Variants in ATOSA observed in about 807,000 individuals in gnomAD.
ATOSA encodes the protein atos homolog protein A.
the ATOSA span, among the ~76,000 whole-genome samples, chr15:52,692,241 A>T: frequency 6.6e-6 from 1 of 152,230 alleles, no homozygotes; most frequent in Non-Finnish European, 1.5e-5. Flanking sequence ...ATGTATTAAC[A>T]CAAATTGCCA....
At chr15:52,603,036 T>C in the ATOSA span, among the ~76,000 whole-genome samples, 1 of 152,210 alleles carries the variant, frequency 6.6e-6, no homozygotes, top group Non-Finnish European at 1.5e-5. Flanking sequence ...TAGTCTACCA[T>C]ATTGACCAGA....
the ATOSA span, chr15:52,677,926 G>C: frequency 6.5e-7 from 1 of 1,547,352 alleles, no homozygotes; most frequent in South Asian, 1.1e-5. Context: ...TCCTACTGCA[G>C]AATTAGGTTA....
chr15:52,691,855 TAAGAAA>T, the ATOSA span, among the ~76,000 whole-genome samples: 95,928 of 150,510 alleles, frequency 0.64, 30,944 homozygotes, highest in Admixed American at 0.7. Context: ...AATAAATAAA[TAAGAAA>T]AAGAAAAAGA....
chr15:52,678,300 C>G, the ATOSA span: 1 of 589,990 alleles, frequency 1.7e-6, no homozygotes, highest in African/African-American at 1.9e-5. Flanking sequence ...ATCGAGCACC[C>G]CCTTCCCTGC....
At chr15:52,689,427 T>C in the ATOSA span, among the ~76,000 whole-genome samples, 1 of 152,172 alleles carries the variant, frequency 6.6e-6, no homozygotes. Flanking sequence ...GAAATCCACA[T>C]AGCAAAGATG....
At chr15:52,637,713 C>T in the ATOSA span, among the ~76,000 whole-genome samples, 1 of 152,104 alleles carries the variant, frequency 6.6e-6, no homozygotes, top group Non-Finnish European at 1.5e-5. Context: ...CTAATAAGAG[C>T]CCAAACTCTT....
the ATOSA span, chr15:52,600,240 T>C: frequency 2.8e-5 from 44 of 1,567,568 alleles, 1 homozygote; most frequent in Middle Eastern, 1.7e-4. Flanking sequence ...CGAGGACTAT[T>C]AGAAAAACAA....
chr15:52,646,722 T>C, the ATOSA span, among the ~76,000 whole-genome samples: 4 of 152,232 alleles, frequency 2.6e-5, no homozygotes, highest in Non-Finnish European at 5.9e-5. Context: ...AATTTTTAAA[T>C]ATTAATGCTT....
the ATOSA span, among the ~76,000 whole-genome samples, chr15:52,643,358 C>G: frequency 3.3e-5 from 5 of 152,168 alleles, no homozygotes; most frequent in African/African-American, 7.2e-5. Context: ...GTGGCACAAT[C>G]ATACCTCACT....
chr15:52,609,027 C>A, the ATOSA span: 3 of 1,613,096 alleles, frequency 1.9e-6, no homozygotes, highest in Non-Finnish European at 2.5e-6. Flanking sequence ...TTTCTTGCTC[C>A]TTGAATCTGC....
chr15:52,615,677 AG>A, the ATOSA span, among the ~76,000 whole-genome samples: 1 of 152,206 alleles, frequency 6.6e-6, no homozygotes, highest in African/African-American at 2.4e-5. Context: ...AGCTTCAGGA[AG>A]GCTTATCAGG....
the ATOSA span, among the ~76,000 whole-genome samples, chr15:52,618,868 A>G: frequency 1.3e-5 from 2 of 151,954 alleles, no homozygotes; most frequent in Non-Finnish European, 2.9e-5. Context: ...ATAATGTAAC[A>G]TTGGACTAAA....
the ATOSA span, among the ~76,000 whole-genome samples, chr15:52,680,782 T>G: frequency 0.03 from 4,502 of 152,312 alleles, 184 homozygotes; most frequent in African/African-American, 0.095. Flanking sequence ...ATCTATAAAA[T>G]GCTACAAATG....
the ATOSA span, among the ~76,000 whole-genome samples, chr15:52,695,044 C>A: frequency 6.6e-6 from 1 of 151,864 alleles, no homozygotes; most frequent in Admixed American, 6.6e-5. Context: ...CATGCCTCGG[C>A]CTCCCAAGAA....
chr15:52,665,412 A>G, the ATOSA span, among the ~76,000 whole-genome samples: 2,820 of 152,338 alleles, frequency 0.019, 94 homozygotes, highest in African/African-American at 0.065. Flanking sequence ...TTTTCTTTCA[A>G]GAATATCTAT....
the ATOSA span, among the ~76,000 whole-genome samples, chr15:52,633,876 C>A: frequency 6.6e-6 from 1 of 152,096 alleles, no homozygotes; most frequent in East Asian, 1.9e-4. Flanking sequence ...AAAATAATCA[C>A]AATGCATTGT....
chr15:52,624,226 C>T, the ATOSA span, among the ~76,000 whole-genome samples: 688 of 152,256 alleles, frequency 4.5e-3, 5 homozygotes, highest in African/African-American at 0.016. Context: ...TGAGCTTAAA[C>T]GTTTTTGTTT....
the ATOSA span, among the ~76,000 whole-genome samples, chr15:52,703,183 A>G: frequency 3.3e-5 from 5 of 152,196 alleles, no homozygotes; most frequent in Non-Finnish European, 7.3e-5. Flanking sequence ...TTATATGCAA[A>G]TTTAGAAACT....
the ATOSA span, among the ~76,000 whole-genome samples, chr15:52,666,669 A>G: frequency 6.6e-6 from 1 of 152,220 alleles, no homozygotes; most frequent in Non-Finnish European, 1.5e-5. Context: ...AATGCATGCC[A>G]AGTGTTCATT....
Sources: gnomAD v4.1 joint callset for allele counts (sites outside exome capture counted in the v4.1 genomes callset) on GRCh38, gnomAD v4.1.1 for gene constraint, MANE v1.5 for transcripts, NCBI Gene and HGNC (gene_info 2026-07-23, HGNC 2026-07-21) for gene names.